CPLX2: variants seen among roughly 807,000 people sequenced by gnomAD.
The protein encoded by CPLX2 is complexin-2.
In CPLX2, 5 loss-of-function variants were observed where a neutral mutation model predicts 16.3. The ratio of observed to expected loss-of-function variants is 0.31; its 90% CI spans 0.16 to 0.64. The LOEUF is 0.64. CPLX2 is among the 30% of genes least tolerant of loss of function. The pLI is 0.79. For missense variants in CPLX2, 144 were observed against 181.4 expected, an observed-to-expected ratio of 0.79 and a Z score of 1.18; for synonymous variants, 89 against 73.2, an observed-to-expected ratio of 1.22 and a Z score of -1.10.
At chr5:175,850,445 G>A (rs1307548145) in intron 2 of CPLX2, among the ~76,000 whole-genome samples, 3 of 152,190 alleles carry the variant, frequency 2.0e-5, no homozygotes, top group African/African-American at 4.8e-5. Flanking sequence ...GACTAGAGCC[G>A]CACTGGGAAG....
At chr5:175,877,192 C>G (rs1191683578) in intron 1 of CPLX2, among the ~76,000 whole-genome samples, 1 of 151,626 alleles carries the variant, frequency 6.6e-6, no homozygotes, top group Non-Finnish European at 1.5e-5. Flanking sequence ...GTGTCTGATG[C>G]CAAAGCCCCT....
intron 2 of CPLX2, among the ~76,000 whole-genome samples, chr5:175,853,327 G>A (rs1270113805): frequency 6.6e-6 from 1 of 152,216 alleles, no homozygotes; most frequent in African/African-American, 2.4e-5. Flanking sequence ...CCTGGCAACA[G>A]CCTCACACGG....
intron 2 of CPLX2, among the ~76,000 whole-genome samples, chr5:175,821,274 C>T (rs1205223847): frequency 6.6e-6 from 1 of 152,144 alleles, no homozygotes; most frequent in Non-Finnish European, 1.5e-5. Context: ...TTTCTCCCTT[C>T]TCAGGCCTCC....
chr5:175,848,350 TGCTGA>T (rs1429098837), intron 2 of CPLX2, among the ~76,000 whole-genome samples: 2 of 152,198 alleles, frequency 1.3e-5, no homozygotes, highest in Non-Finnish European at 2.9e-5. Flanking sequence ...GACCAAGCGA[TGCTGA>T]GCTGAGTTTT....
intron 2 of CPLX2, among the ~76,000 whole-genome samples, chr5:175,836,073 A>G (rs111653667): frequency 0.02 from 3,009 of 152,040 alleles, 91 homozygotes; most frequent in African/African-American, 0.066. Context: ...TGACTAGGCC[A>G]GGCGCGGTGG....
chr5:175,868,703 T>A (rs1759524204), upstream of CPLX2, among the ~76,000 whole-genome samples: 1 of 151,776 alleles, frequency 6.6e-6, no homozygotes, highest in South Asian at 2.1e-4. Context: ...CAGGTTTTTT[T>A]TTTTTTCTTT....
chr5:175,833,258 C>T (rs1364226577), intron 2 of CPLX2, among the ~76,000 whole-genome samples: 2 of 152,048 alleles, frequency 1.3e-5, no homozygotes, highest in Non-Finnish European at 2.9e-5. Context: ...TCTTTTGTTA[C>T]GGAGGCTTCA....
chr5:175,881,816 C>T lies in CPLX2; in HGVS notation c.*1771C>T, dbSNP rs1257125570. 1.3e-5 allele frequency: 2 copies of T among 152,690 alleles called. No homozygotes were observed. Among genetic ancestry groups the T allele is most frequent in the East Asian group, 3.8e-4 (2 of 5,196 alleles). The allele number at this position is 152,690 out of a possible 1,614,324, so 9.5% of individuals were successfully genotyped here. A position where few individuals can be genotyped will look rare whatever the true frequency, so the allele number is the denominator to read the frequency against. On this transcript the variant is annotated 3_prime_UTR_variant, in exon 4 of 4. Coordinates refer to ENST00000393745, the MANE Select transcript of CPLX2 (RefSeq NM_001008220.2). ...ATGCTGGGCCCCCGCCAGGGCCTAT[C>T]CCAAAAGCAGGGGCCAGGGAGGGGG...
At chr5:175,810,902 T>C (rs903647548) in intron 2 of CPLX2, among the ~76,000 whole-genome samples, 1 of 152,232 alleles carries the variant, frequency 6.6e-6, no homozygotes, top group Non-Finnish European at 1.5e-5. Context: ...TTTCCCTCCA[T>C]ATAGAATGTA....
intron 2 of CPLX2, among the ~76,000 whole-genome samples, chr5:175,848,646 A>G (rs1439190850): frequency 6.6e-6 from 1 of 152,232 alleles, no homozygotes; most frequent in Non-Finnish European, 1.5e-5. Context: ...CAATAAACAC[A>G]TTTAAATGAA....
intron 1 of CPLX2, among the ~76,000 whole-genome samples, chr5:175,806,221 C>T (rs1164439068): frequency 6.6e-6 from 1 of 151,902 alleles, no homozygotes; most frequent in Non-Finnish European, 1.5e-5. Flanking sequence ...CCTGAGGCTC[C>T]AGCCAAGCCA....
intron 2 of CPLX2, among the ~76,000 whole-genome samples, chr5:175,864,634 G>A (rs556319900): frequency 7.4e-4 from 113 of 152,284 alleles, no homozygotes; most frequent in Admixed American, 1.5e-3. Context: ...GGAACGAAGT[G>A]GGGGAAGAGA....
At chr5:175,818,816 T>C (rs1043630765) in intron 2 of CPLX2, among the ~76,000 whole-genome samples, 5 of 151,848 alleles carry the variant, frequency 3.3e-5, no homozygotes, top group East Asian at 1.9e-4. Flanking sequence ...CATGCGCCAC[T>C]ATGCCCAGCT....
intron 2 of CPLX2, among the ~76,000 whole-genome samples, chr5:175,818,828 A>C (rs1245172901): frequency 6.6e-6 from 1 of 151,426 alleles, no homozygotes; most frequent in Admixed American, 6.6e-5. Context: ...TGCCCAGCTA[A>C]TTTTGTATTT....
At chr5:175,797,157 C>T (rs1215931740) in intron 1 of CPLX2, among the ~76,000 whole-genome samples, 1 of 152,200 alleles carries the variant, frequency 6.6e-6, no homozygotes, top group Admixed American at 6.5e-5. Flanking sequence ...AGCACCGCGG[C>T]GGCGGACAGC....
intron 2 of CPLX2, among the ~76,000 whole-genome samples, chr5:175,841,250 A>G (rs1758938490): frequency 6.6e-6 from 1 of 152,116 alleles, no homozygotes; most frequent in Non-Finnish European, 1.5e-5. Context: ...ACATCCCCCC[A>G]AAACCTGCAA....
chr5:175,801,959 C>T (rs1035570744), intron 1 of CPLX2, among the ~76,000 whole-genome samples: 1 of 152,190 alleles, frequency 6.6e-6, no homozygotes, highest in Admixed American at 6.5e-5. Flanking sequence ...AGGGAACTAA[C>T]CCACAGTCAC....
chr5:175,799,573 TATAG>T (rs1189847834), intron 1 of CPLX2, among the ~76,000 whole-genome samples: 2 of 142,914 alleles, frequency 1.4e-5, no homozygotes, highest in African/African-American at 5.1e-5. Context: ...TATATATATA[TATAG>T]TAATCACAGC....
At chr5:175,801,167 A>AAAAAAC (rs1554117461) in intron 1 of CPLX2, among the ~76,000 whole-genome samples, 1 of 151,726 alleles carries the variant, frequency 6.6e-6, no homozygotes, top group Non-Finnish European at 1.5e-5. Context: ...GTGTTAAAAA[A>AAAAAAC]AAAAAAAAAC....
Sources: gnomAD v4.1 joint callset for allele counts (sites outside exome capture counted in the v4.1 genomes callset) on GRCh38, gnomAD v4.1.1 for gene constraint, MANE v1.5 for transcripts, NCBI Gene and HGNC (gene_info 2026-07-23, HGNC 2026-07-21) for gene names.